MTMR8: variants seen among roughly 807,000 people sequenced by gnomAD.
The protein encoded by MTMR8 is myotubularin related protein 8, also known as phosphatidylinositol-3,5-bisphosphate 3-phosphatase MTMR8.
MTMR8 carries 65 observed loss-of-function variants against 39.3 expected under a neutral mutation model. That is an observed-to-expected ratio of 1.65 (90% confidence interval 1.35 to 2.03). The LOEUF (loss-of-function observed/expected upper bound fraction) is 2.03, where lower values mean the gene tolerates loss of function less well. MTMR8 is among the 30% of genes most tolerant of loss of function. The pLI, the probability that MTMR8 is intolerant of heterozygous loss-of-function variation, is 0.00. For missense variants in MTMR8, 777 were observed against 538.9 expected (o/e 1.44, Z -4.37); for synonymous variants, 245 against 185.2 (o/e 1.32, Z -2.62).
intron 3 of MTMR8, among the ~76,000 whole-genome samples, chrX:64,355,201 C>T (rs1923592023): frequency 8.9e-6 from 1 of 111,874 alleles, no homozygotes. Context: ...AAAAAGAATG[C>T]TGGATAATTG....
At chrX:64,389,327 G>T (rs1453624073) in intron 1 of MTMR8, among the ~76,000 whole-genome samples, 1 of 111,518 alleles carries the variant, frequency 9.0e-6, no homozygotes, top group Non-Finnish European at 1.9e-5. Context: ...TAGTATTGGT[G>T]TCTCAAATGA....
Position 64,337,339 on chromosome X carries a change from G to A in MTMR8, c.1030C>T (p.Arg344Cys), listed in dbSNP as rs745518929. 28 of 1,207,286 alleles carry A rather than the reference G, an allele frequency of 2.3e-5. No individual in the cohort carries two copies. Among genetic ancestry groups the A allele is most frequent in the Middle Eastern group, 4.6e-4 (2 of 4,360 alleles). The change falls in exon 9 of 14, where the codon CGC (arginine) becomes TGC (cysteine). Residue 344 changes from arginine (R) to cysteine (C), a missense_variant. Transcript: ENST00000374852. Reference protein sequence around the residue: ...VLVHCSDGWDRTAQVCSVASI... With the variant: ...VLVHCSDGWDCTAQVCSVASI... Reference sequence around the variant, plus strand: ...GCCACTGAGCAGACTTGTGCTGTGCGGTCCCATCCATCAGAACAATGGACT... The same window carrying A: ...GCCACTGAGCAGACTTGTGCTGTGCAGTCCCATCCATCAGAACAATGGACT...
chrX:64,311,342 G>GT, intron 12 of MTMR8, among the ~76,000 whole-genome samples: 1 of 110,704 alleles, frequency 9.0e-6, no homozygotes, highest in East Asian at 2.8e-4. Flanking sequence ...TTTTTGATGG[G>GT]GTTTTTTTTT....
At chrX:64,380,940 C>T (rs1027145164) in intron 1 of MTMR8, among the ~76,000 whole-genome samples, 4 of 112,062 alleles carry the variant, frequency 3.6e-5, no homozygotes, top group Admixed American at 1.9e-4. Context: ...TTTTTTAGGG[C>T]TGCGTAGTAT....
At chrX:64,388,219 C>G (rs191773193) in intron 1 of MTMR8, among the ~76,000 whole-genome samples, 1 of 111,634 alleles carries the variant, frequency 9.0e-6, no homozygotes, top group Admixed American at 9.5e-5. Flanking sequence ...AGAATACCAA[C>G]CAGTGTAATG....
intron 1 of MTMR8, among the ~76,000 whole-genome samples, chrX:64,360,720 G>A (rs759997246): frequency 2.2e-4 from 24 of 111,024 alleles, no homozygotes; most frequent in Admixed American, 2.0e-3. Flanking sequence ...AAAAAGGAAA[G>A]GAAACTAAGA....
intron 1 of MTMR8, chrX:64,360,446 A>C (rs1923750481): frequency 7.1e-6 from 2 of 282,624 alleles, no homozygotes; most frequent in Non-Finnish European, 1.3e-5. Context: ...TTACAACTGA[A>C]AAACTCAAGC....
At chrX:64,359,972 A>G (rs1923736597) in intron 1 of MTMR8, among the ~76,000 whole-genome samples, 1 of 109,815 alleles carries the variant, frequency 9.1e-6, no homozygotes, top group Non-Finnish European at 1.9e-5. Context: ...AAAAAGGAGT[A>G]CCATAAATAA....
chrX:64,349,875 C>T, intron 5 of MTMR8, 67 bp downstream of exon 5: 1 of 955,369 alleles, frequency 1.0e-6, no homozygotes, highest in Non-Finnish European at 1.4e-6. Flanking sequence ...TAAGTGGCAG[C>T]ATGAAACTTA....
At position 64,362,471 on chromosome X, in the gene MTMR8, G is replaced by GAAAAAAAAAAA. The variant is rs760545171; in HGVS notation, c.25-2955_25-2945dup. On this transcript the variant is annotated intron_variant, in intron 1 of 13. Transcript: ENST00000374852. Reference sequence around the variant, plus strand: ...ACAAAAAACCTCTAGTACTATTGCAGAAAAAAAAAAAAAAAAAAAAAAAAA... The same window carrying GAAAAAAAAAAA: ...ACAAAAAACCTCTAGTACTATTGCAGAAAAAAAAAAAAAAAAAAAAAAAAAAAAAAAAAAAA... 2.7e-3 allele frequency among the ~76,000 whole-genome samples: 15 copies of GAAAAAAAAAAA among 5,502 alleles called. 2 individuals carry two copies. The highest frequency in any genetic ancestry group is 4.3e-3 in the Non-Finnish European group (12 of 2,795). 4.8% of individuals were successfully genotyped at this position (5,502 alleles called of 115,157 possible).
At chrX:64,335,953 T>C (rs1056906289) in intron 10 of MTMR8, 126 bp downstream of exon 10, 94 of 457,549 alleles carry the variant, frequency 2.1e-4, no homozygotes, top group Non-Finnish European at 3.1e-4. Context: ...TGTTTCTTGA[T>C]GAAAAGAGAT....
At position 64,337,219 on chromosome X, in the gene MTMR8, C is replaced by T. The variant is rs760666452; in HGVS notation, c.1101+49G>A. 2.1e-5 allele frequency: 24 copies of T among 1,145,064 alleles called. No individual in the cohort carries two copies. In the African/African-American group the frequency reaches 2.4e-4, roughly 11 times the overall value. 94.4% of individuals were successfully genotyped at this position (1,145,064 alleles called of 1,213,427 possible). A position where few individuals can be genotyped will look rare whatever the true frequency, so the allele number is the denominator to read the frequency against. On this transcript the variant is annotated intron_variant, in intron 9 of 13. Coordinates refer to ENST00000374852, the MANE Select transcript of MTMR8 (RefSeq NM_017677.4). Reference sequence around the variant, plus strand: ...GTTTGACAGTTATTTTTTATTTTGTCGCAATCTGTCTCTTACACAAAGTAA... The same window carrying T: ...GTTTGACAGTTATTTTTTATTTTGTTGCAATCTGTCTCTTACACAAAGTAA...
At chrX:64,319,973 G>T (rs1210037333) in intron 12 of MTMR8, among the ~76,000 whole-genome samples, 1 of 111,176 alleles carries the variant, frequency 9.0e-6, no homozygotes, top group Non-Finnish European at 1.9e-5. Context: ...GGATGGCATT[G>T]AATCTATAAA....
intron 12 of MTMR8, among the ~76,000 whole-genome samples, chrX:64,316,330 C>T (rs1471480943): frequency 8.9e-6 from 1 of 111,918 alleles, no homozygotes; most frequent in Non-Finnish European, 1.9e-5. Context: ...CTGAGAATAT[C>T]ATCATTTCTC....
chrX:64,288,517 G>A (rs1921281654), intron 12 of MTMR8, among the ~76,000 whole-genome samples: 1 of 111,276 alleles, frequency 9.0e-6, no homozygotes, highest in Admixed American at 9.6e-5. Context: ...CCCATTACTG[G>A]GTATATACCC....
At chrX:64,287,321 A>C (rs1227998449) in intron 12 of MTMR8, among the ~76,000 whole-genome samples, 3 of 111,658 alleles carry the variant, frequency 2.7e-5, no homozygotes, top group East Asian at 5.6e-4. Context: ...AAGAGGATAC[A>C]AACAAATGGA....
chrX:64,324,839 G>T (rs865792587), intron 12 of MTMR8, among the ~76,000 whole-genome samples: 1 of 53,361 alleles, frequency 1.9e-5, no homozygotes, highest in African/African-American at 1.4e-4. Flanking sequence ...AAAAAAAAAA[G>T]AGAGGTTTAA....
intron 12 of MTMR8, among the ~76,000 whole-genome samples, chrX:64,301,584 G>A (rs1366597488): frequency 1.1e-4 from 12 of 112,156 alleles, no homozygotes; most frequent in African/African-American, 3.6e-4. Context: ...GCTCGTCAAA[G>A]TCATTCTCCA....
intron 12 of MTMR8, among the ~76,000 whole-genome samples, chrX:64,288,048 A>AAAAAAAAC (rs1921256825): frequency 2.2e-5 from 2 of 89,489 alleles, no homozygotes; most frequent in East Asian, 6.8e-4. Context: ...AAAAAAAAAA[A>AAAAAAAAC]ACTACCATAA....
Sources: allele counts gnomAD v4.1 joint callset (sites outside exome capture counted in the v4.1 genomes callset), GRCh38; gene constraint gnomAD v4.1.1; transcripts MANE v1.5; gene names NCBI Gene and HGNC (gene_info 2026-07-23, HGNC 2026-07-21).